BABAM2: variants seen among roughly 807,000 people sequenced by gnomAD.
BABAM2 encodes BRISC and BRCA1-A complex member 2.
In BABAM2, 31 loss-of-function variants were observed where a neutral mutation model predicts 54.7. The ratio of observed to expected loss-of-function variants is 0.57; its 90% CI spans 0.43 to 0.77. The LOEUF (loss-of-function observed/expected upper bound fraction) is 0.77, where lower values mean the gene tolerates loss of function less well. BABAM2 is among the 30% of genes least tolerant of loss of function. The pLI is 0.00. For synonymous variants in BABAM2, 167 were observed against 162.9 expected (o/e 1.03, Z -0.19); for missense variants, 364 against 455.8 (o/e 0.80, Z 1.83).
intron 11 of BABAM2, among the ~76,000 whole-genome samples, chr2:28,319,322 G>A (rs756839885): frequency 6.6e-6 from 1 of 152,244 alleles, no homozygotes; most frequent in African/African-American, 2.4e-5. Flanking sequence ...TTTAGGTAAA[G>A]TAGAAGCTGT....
chr2:28,267,910 A>C (rs1203698662), intron 10 of BABAM2, among the ~76,000 whole-genome samples: 1 of 152,270 alleles, frequency 6.6e-6, no homozygotes, highest in Non-Finnish European at 1.5e-5. Flanking sequence ...TGAAACTAGA[A>C]GAAACCCAAA....
At chr2:27,932,707 T>G (rs1336261913) in intron 3 of BABAM2, among the ~76,000 whole-genome samples, 1 of 152,212 alleles carries the variant, frequency 6.6e-6, no homozygotes, top group Admixed American at 6.5e-5. Flanking sequence ...TGCTTACTCT[T>G]CCTGTTCTTA....
At chr2:28,275,207 A>G (rs1017411573) in intron 10 of BABAM2, among the ~76,000 whole-genome samples, 1 of 152,212 alleles carries the variant, frequency 6.6e-6, no homozygotes, top group Non-Finnish European at 1.5e-5. Flanking sequence ...ATTTGGATGA[A>G]GCCAACGGAT....
chr2:27,912,925 G>T (rs1382495145), intron 2 of BABAM2, among the ~76,000 whole-genome samples: 2 of 152,068 alleles, frequency 1.3e-5, no homozygotes, highest in Non-Finnish European at 2.9e-5. Flanking sequence ...AAGAACACTT[G>T]GAAAGAAATA....
At chr2:27,919,688 A>C (rs1345663990) in intron 2 of BABAM2, among the ~76,000 whole-genome samples, 1 of 152,202 alleles carries the variant, frequency 6.6e-6, no homozygotes, top group South Asian at 2.1e-4. Context: ...TAAGCTAAGC[A>C]TCTATCTGAA....
intron 7 of BABAM2, among the ~76,000 whole-genome samples, chr2:28,165,161 A>G (rs1349845106): frequency 2.0e-5 from 3 of 152,186 alleles, no homozygotes; most frequent in Admixed American, 6.5e-5. Context: ...GAAAGACGTA[A>G]AGAATTAATT....
intron 6 of BABAM2, among the ~76,000 whole-genome samples, chr2:28,081,102 A>G (rs1197586701): frequency 6.6e-6 from 1 of 152,234 alleles, no homozygotes; most frequent in African/African-American, 2.4e-5. Flanking sequence ...TGAGCCTACA[A>G]AACAATCTTC....
intron 7 of BABAM2, among the ~76,000 whole-genome samples, chr2:28,184,316 GTCTC>G (rs1230980318): frequency 8.9e-6 from 1 of 111,876 alleles, no homozygotes; most frequent in Non-Finnish European, 1.7e-5. Flanking sequence ...CTCTCTCTCT[GTCTC>G]TCTCTCTCCA....
At chr2:28,260,222 A>ATCTGTGTGTCTGTGCTTTCCCT (rs1684372480) in intron 10 of BABAM2, among the ~76,000 whole-genome samples, 2 of 148,960 alleles carry the variant, frequency 1.3e-5, no homozygotes, top group South Asian at 4.3e-4. Context: ...TGTTCCATTG[A>ATCTGTGTGTCTGTGCTTTCCCT]TCTGTGTGTC....
intron 6 of BABAM2, among the ~76,000 whole-genome samples, chr2:28,109,283 G>T (rs1046655704): frequency 2.7e-5 from 4 of 148,422 alleles, no homozygotes; most frequent in African/African-American, 9.9e-5. Flanking sequence ...CCACCTCCTG[G>T]GTTCATGCCA....
intron 10 of BABAM2, among the ~76,000 whole-genome samples, chr2:28,294,512 A>T (rs755795469): frequency 5.3e-5 from 8 of 152,178 alleles, no homozygotes; most frequent in Non-Finnish European, 1.0e-4. Flanking sequence ...GTCCTAAAGT[A>T]ATTATTTTAC....
At chr2:28,086,287 T>G (rs4353598) in intron 6 of BABAM2, among the ~76,000 whole-genome samples, 152,050 of 152,336 alleles carry the variant, frequency 1, 75,884 homozygotes, top group Middle Eastern at 1. Context: ...CAGAGAAAAT[T>G]TACCTTGAGC....
At chr2:28,075,407 GGCTCCCAATACATAAT>G (rs1664562138) in intron 6 of BABAM2, among the ~76,000 whole-genome samples, 2 of 152,110 alleles carry the variant, frequency 1.3e-5, no homozygotes, top group Non-Finnish European at 1.5e-5. Flanking sequence ...AGTAAACAGT[GGCTCCCAATACATAAT>G]GCTGTTCCCT....
intron 4 of BABAM2, among the ~76,000 whole-genome samples, chr2:27,989,343 G>A (rs966887890): frequency 6.6e-6 from 1 of 152,142 alleles, no homozygotes; most frequent in Non-Finnish European, 1.5e-5. Context: ...AAAAAGCTTT[G>A]TAGTTGAGGC....
chr2:27,893,833 A>G (rs1184659924), intron 1 of BABAM2, among the ~76,000 whole-genome samples: 1 of 152,056 alleles, frequency 6.6e-6, no homozygotes, highest in East Asian at 1.9e-4. Context: ...GTCTCTACTA[A>G]AAATACAAAA....
intron 3 of BABAM2, among the ~76,000 whole-genome samples, chr2:27,934,081 A>G (rs1422783990): frequency 6.6e-6 from 1 of 151,822 alleles, no homozygotes; most frequent in Non-Finnish European, 1.5e-5. Flanking sequence ...TTTCTTTGAA[A>G]TTGATTGATG....
chr2:27,924,665 G>A (rs374304629), intron 2 of BABAM2, among the ~76,000 whole-genome samples: 8 of 152,176 alleles, frequency 5.3e-5, no homozygotes, highest in South Asian at 2.1e-4. Context: ...GATTACAGGC[G>A]TGAGCCACTG....
chr2:27,924,668 A>C (rs1667558786), intron 2 of BABAM2, among the ~76,000 whole-genome samples: 2 of 152,178 alleles, frequency 1.3e-5, no homozygotes, highest in Admixed American at 1.3e-4. Context: ...TACAGGCGTG[A>C]GCCACTGTGC....
intron 10 of BABAM2, among the ~76,000 whole-genome samples, chr2:28,275,737 A>C (rs1432788940): frequency 6.6e-6 from 1 of 152,230 alleles, no homozygotes; most frequent in East Asian, 1.9e-4. Flanking sequence ...TTATTGATAT[A>C]TATCTCTTCC....
Sources: allele counts gnomAD v4.1 joint callset (sites outside exome capture counted in the v4.1 genomes callset), GRCh38; gene constraint gnomAD v4.1.1; transcripts MANE v1.5; gene names NCBI Gene and HGNC (gene_info 2026-07-23, HGNC 2026-07-21).